The following KCNK13 variants were observed in gnomAD, a reference collection of about 807,000 sequenced individuals.
The protein encoded by KCNK13 is potassium two pore domain channel subfamily K member 13, also known as potassium channel subfamily K member 13.
In KCNK13, 12 loss-of-function variants were observed where a neutral mutation model predicts 23.4. That is an observed-to-expected ratio of 0.51 (90% CI 0.33 to 0.83). The LOEUF (loss-of-function observed/expected upper bound fraction) is 0.83, where lower values mean the gene tolerates loss of function less well. Among genes scored for constraint, KCNK13 ranks in the 40% least tolerant of loss-of-function variants. The pLI, the probability that KCNK13 is intolerant of heterozygous loss-of-function variation, is 0.02. For missense variants in KCNK13, 463 were observed against 556.3 expected (o/e 0.83, Z 1.69); for synonymous variants, 231 against 229.5 (o/e 1.01, Z -0.06).
chr14:90,153,790 G>T (rs530594819), intron 1 of KCNK13, among the ~76,000 whole-genome samples: 2 of 152,344 alleles, frequency 1.3e-5, no homozygotes, highest in South Asian at 2.1e-4. Context: ...TCGACTTAGA[G>T]GCAGGGAGCT....
At chr14:90,164,383 C>T (rs534985028) in intron 1 of KCNK13, among the ~76,000 whole-genome samples, 7 of 152,304 alleles carry the variant, frequency 4.6e-5, no homozygotes, top group African/African-American at 1.7e-4. Flanking sequence ...ATTCATTTAG[C>T]TATGCCTAGA....
chr14:90,101,792 A>AAAAAAAAAAAAAAAAC (rs1889482194), intron 1 of KCNK13, among the ~76,000 whole-genome samples: 2 of 103,176 alleles, frequency 1.9e-5, no homozygotes, highest in Non-Finnish European at 3.7e-5. Context: ...TCCGTCTCCA[A>AAAAAAAAAAAAAAAAC]AAAAAAAAAA....
At chr14:90,181,472 G>A (rs1229550548) in intron 1 of KCNK13, among the ~76,000 whole-genome samples, 2 of 152,096 alleles carry the variant, frequency 1.3e-5, no homozygotes, top group African/African-American at 4.8e-5. Flanking sequence ...ATTCATGAGA[G>A]CACCACACTC....
chr14:90,129,653 A>G (rs1232297631), intron 1 of KCNK13, among the ~76,000 whole-genome samples: 3 of 152,082 alleles, frequency 2.0e-5, no homozygotes, highest in African/African-American at 7.2e-5. Flanking sequence ...TTATTTTCCT[A>G]TGACAGTATG....
In KCNK13 at chr14:90,143,170, TCTTTC is replaced by T. The variant is rs1566644727; in HGVS notation, c.335-40940_335-40936del. Among the ~76,000 whole-genome samples, 38 of 5,520 alleles carry T rather than the reference TCTTTC, an allele frequency of 6.9e-3. No homozygotes were observed. In the East Asian group the frequency reaches 0.12, roughly 17 times the overall value. 3.6% of individuals were successfully genotyped at this position (5,520 alleles called of 152,430 possible). On this transcript the variant is annotated intron_variant, in intron 1 of 1. Transcript: ENST00000282146. ...AACTTTCTTTCTTTCTTTCTTTCTTTCTTTCTTTTCTTTTCTTTTCTTTCTTTCTT... is the reference window on the plus strand; with the variant it reads ...AACTTTCTTTCTTTCTTTCTTTCTTTTTTTCTTTTCTTTTCTTTCTTTCTT...
intron 1 of KCNK13, among the ~76,000 whole-genome samples, chr14:90,127,817 T>TTA (rs767511019): frequency 1.2e-4 from 10 of 85,156 alleles, no homozygotes; most frequent in Non-Finnish European, 1.5e-4. Context: ...AGATGCTATC[T>TTA]AAAAAAAAAA....
At chr14:90,070,314 A>T (rs1395035949) in intron 1 of KCNK13, among the ~76,000 whole-genome samples, 1 of 152,236 alleles carries the variant, frequency 6.6e-6, no homozygotes, top group South Asian at 2.1e-4. Context: ...ATCTCCTTAT[A>T]ATTAATAGCT....
chr14:90,147,639 G>A (rs1343605356), intron 1 of KCNK13, among the ~76,000 whole-genome samples: 2 of 152,074 alleles, frequency 1.3e-5, no homozygotes, highest in Non-Finnish European at 2.9e-5. Flanking sequence ...TTCTTCTGTT[G>A]TGTTGGGGCT....
At chr14:90,135,954 T>A (rs1455266452) in intron 1 of KCNK13, among the ~76,000 whole-genome samples, 2 of 151,840 alleles carry the variant, frequency 1.3e-5, no homozygotes, top group Non-Finnish European at 1.5e-5. Flanking sequence ...TAAAGAAAAC[T>A]CACTTCACAG....
At chr14:90,126,873 A>G (rs1889807658) in intron 1 of KCNK13, among the ~76,000 whole-genome samples, 1 of 152,090 alleles carries the variant, frequency 6.6e-6, no homozygotes, top group South Asian at 2.1e-4. Context: ...ATATCAGGCA[A>G]ATTCCAATTG....
intron 1 of KCNK13, among the ~76,000 whole-genome samples, chr14:90,102,635 T>C (rs143027682): frequency 0.011 from 1,636 of 152,270 alleles, 16 homozygotes; most frequent in Non-Finnish European, 0.015. Flanking sequence ...CTCATAGCCT[T>C]TGGGAAGTGC....
chr14:90,072,668 T>A (rs548574568), intron 1 of KCNK13, among the ~76,000 whole-genome samples: 3 of 152,222 alleles, frequency 2.0e-5, no homozygotes, highest in Non-Finnish European at 2.9e-5. Flanking sequence ...TAAGGGCAGT[T>A]ACACTCTCTT....
At chr14:90,127,315 C>A (rs1010481510) in intron 1 of KCNK13, among the ~76,000 whole-genome samples, 2 of 152,034 alleles carry the variant, frequency 1.3e-5, no homozygotes, top group South Asian at 4.1e-4. Context: ...TGTTTTGTAG[C>A]GTGAAAACAG....
At chr14:90,071,591 A>C (rs1404645687) in intron 1 of KCNK13, among the ~76,000 whole-genome samples, 1 of 152,122 alleles carries the variant, frequency 6.6e-6, no homozygotes, top group Non-Finnish European at 1.5e-5. Flanking sequence ...CCCCACAGTA[A>C]AGGACAGTCC....
intron 1 of KCNK13, among the ~76,000 whole-genome samples, chr14:90,098,442 G>C (rs1169729259): frequency 2.0e-5 from 3 of 152,128 alleles, no homozygotes; most frequent in Non-Finnish European, 2.9e-5. Flanking sequence ...TCCTTCTGGA[G>C]ACCATGAAAA....
At chr14:90,131,712 A>G (rs1368654857) in intron 1 of KCNK13, among the ~76,000 whole-genome samples, 2 of 152,246 alleles carry the variant, frequency 1.3e-5, no homozygotes, top group East Asian at 1.9e-4. Context: ...TAGATTTTGT[A>G]GAGGCAGGGT....
intron 1 of KCNK13, among the ~76,000 whole-genome samples, chr14:90,154,056 C>G (rs1352790256): frequency 6.6e-6 from 1 of 152,186 alleles, no homozygotes; most frequent in Non-Finnish European, 1.5e-5. Flanking sequence ...TGACTTCAGT[C>G]AGGATTTTAT....
Position 90,185,043 on chromosome 14 carries a change from G to A in KCNK13, c.*40G>A, listed in dbSNP as rs200795223. The A allele has an allele frequency of 6.1e-4, 917 of 1,493,158 alleles. 1 individual carries two copies. The highest frequency in any genetic ancestry group is 7.6e-4 in the Non-Finnish European group (849 of 1,122,304). 92.5% of individuals were successfully genotyped at this position (1,493,158 alleles called of 1,614,324 possible). On this transcript the variant is annotated 3_prime_UTR_variant, in exon 2 of 2. Coordinates refer to ENST00000282146, the MANE Select transcript of KCNK13 (RefSeq NM_022054.4). ...TGCTGGGCAGAGGCCAGAGTAGAAT[G>A]GAGGATGATTGCCGCCCAGGGGACG...
At chr14:90,182,620 G>A (rs1450602996) in intron 1 of KCNK13, among the ~76,000 whole-genome samples, 2 of 151,982 alleles carry the variant, frequency 1.3e-5, no homozygotes, top group Non-Finnish European at 2.9e-5. Flanking sequence ...CCAGGAGTTC[G>A]AGGCCAGCCC....
Sources: allele counts gnomAD v4.1 joint callset (sites outside exome capture counted in the v4.1 genomes callset), GRCh38; gene constraint gnomAD v4.1.1; transcripts MANE v1.5; gene names NCBI Gene and HGNC (gene_info 2026-07-23, HGNC 2026-07-21).